MCOLN2: variants seen among roughly 807,000 people sequenced by gnomAD.
The protein encoded by MCOLN2 is mucolipin-2.
Under a neutral mutation model 67.5 loss-of-function variants are expected in MCOLN2, and 57 were observed. The ratio of observed to expected loss-of-function variants is 0.84; its 90% CI spans 0.68 to 1.05. MCOLN2 has a LOEUF of 1.05. Among genes scored for constraint, MCOLN2 ranks in the 50% least tolerant of loss-of-function variants. The probability of loss-of-function intolerance (pLI) is 0.00; values close to 1 mark genes in which losing one functional copy is unlikely to be tolerated. For missense variants in MCOLN2, 620 were observed against 678.8 expected (o/e 0.91, Z 0.96); for synonymous variants, 246 against 233.3 (o/e 1.05, Z -0.50).
intron 13 of MCOLN2, among the ~76,000 whole-genome samples, chr1:84,927,358 A>G: frequency 6.6e-6 from 1 of 152,144 alleles, no homozygotes; most frequent in East Asian, 1.9e-4. Flanking sequence ...TCACTGCAAT[A>G]GAGGAAGGTA....
chr1:84,935,872 T>A (rs1370558829), intron 11 of MCOLN2, among the ~76,000 whole-genome samples: 5 of 152,146 alleles, frequency 3.3e-5, no homozygotes, highest in Admixed American at 3.3e-4. Flanking sequence ...TTGACACCAT[T>A]GAAAGAATGA....
chr1:84,990,813 A>T (rs187202877), intron 1 of MCOLN2, among the ~76,000 whole-genome samples: 445 of 148,098 alleles, frequency 3.0e-3, no homozygotes, highest in Admixed American at 5.3e-3. Flanking sequence ...AGGCACCTGT[A>T]GTCCCAATTA....
intron 1 of MCOLN2, among the ~76,000 whole-genome samples, chr1:84,978,331 A>G (rs1270417885): frequency 6.6e-6 from 1 of 152,042 alleles, no homozygotes; most frequent in Non-Finnish European, 1.5e-5. Flanking sequence ...TTATAGAACT[A>G]GAAAAGCAAG....
chr1:84,990,331 C>T (rs1319510103), intron 1 of MCOLN2, among the ~76,000 whole-genome samples: 1 of 136,912 alleles, frequency 7.3e-6, no homozygotes, highest in South Asian at 2.4e-4. Flanking sequence ...AAAAAAATAC[C>T]TAATGCTAAA....
chr1:84,931,967 T>C (rs565724213), intron 11 of MCOLN2, among the ~76,000 whole-genome samples: 9 of 151,568 alleles, frequency 5.9e-5, no homozygotes, highest in African/African-American at 1.2e-4. Context: ...CAGGGTACAG[T>C]GAGCCAAGCT....
intron 1 of MCOLN2, among the ~76,000 whole-genome samples, chr1:84,987,506 G>GTATATACCTA (rs1557665657): frequency 3.3e-5 from 1 of 30,022 alleles, no homozygotes; most frequent in Non-Finnish European, 6.2e-5. Context: ...ATACATAGAT[G>GTATATACCTA]TATACATATG....
intron 1 of MCOLN2, among the ~76,000 whole-genome samples, chr1:84,969,278 G>A (rs1385698313): frequency 1.3e-5 from 2 of 152,202 alleles, no homozygotes; most frequent in East Asian, 1.9e-4. Context: ...ACAGTCAGAA[G>A]TTCCAGAGGT....
At chr1:84,982,087 TAAAA>T (rs67794449) in intron 1 of MCOLN2, among the ~76,000 whole-genome samples, 1 of 148,900 alleles carries the variant, frequency 6.7e-6, no homozygotes, top group African/African-American at 2.5e-5. Flanking sequence ...TTTTTTTTTT[TAAAA>T]AAAAGATGAA....
At position 84,984,807 on chromosome 1, in the gene MCOLN2, C is replaced by A. The variant is rs551119559; in HGVS notation, c.77+11989G>T. Among the ~76,000 whole-genome samples the A allele has an allele frequency of 5.3e-5, 8 of 152,194 alleles. No individual in the cohort carries two copies. The South Asian group carries it at 1.7e-3, about 32-fold the overall frequency. On this transcript the variant is annotated intron_variant, in intron 1 of 13. Coordinates refer to ENST00000370608, the MANE Select transcript of MCOLN2 (RefSeq NM_153259.4). ...CTCAGGAGTTTGAGAACAGCCTGGG[C>A]AACATGGCAAAACCCGTCTGTACTA... is the stretch of plus-strand genomic sequence containing the variant.
At chr1:84,990,078 C>T (rs982897597) in intron 1 of MCOLN2, among the ~76,000 whole-genome samples, 14 of 151,830 alleles carry the variant, frequency 9.2e-5, no homozygotes, top group Admixed American at 3.3e-4. Flanking sequence ...AGGCGGATCA[C>T]GAGGTCAGGA....
At position 84,931,586 on chromosome 1, in the gene MCOLN2, A is replaced by C. The variant is rs775429359; in HGVS notation, c.1336-18T>G. ...TTTTCAAACTGTAGGGGGAAATAAA[A>C]ACTAGTTTCTGAAATAGAGTATTCT... On this transcript the variant is annotated intron_variant, in intron 11 of 13. Coordinates refer to ENST00000370608, the MANE Select transcript of MCOLN2 (RefSeq NM_153259.4). 10 of 1,597,738 alleles carry C rather than the reference A, an allele frequency of 6.3e-6. No homozygotes were observed. The highest frequency in any genetic ancestry group is 1.1e-5 in the South Asian group (1 of 89,606).
In MCOLN2 at chr1:84,939,838, G is replaced by A. The variant is rs892770342; in HGVS notation, c.961-136C>T. On this transcript the variant is annotated intron_variant, in intron 8 of 13. Transcript: ENST00000370608. Reference sequence around the variant, plus strand: ...CCAATTTGCCAGATCCACCTCGAAAGTGGAGGTTACGGCACACACTTTCCC... The same window carrying A: ...CCAATTTGCCAGATCCACCTCGAAAATGGAGGTTACGGCACACACTTTCCC... 68 of 815,340 alleles carry A rather than the reference G, an allele frequency of 8.3e-5. 5 individuals carry two copies. In the South Asian group the frequency reaches 1.1e-3, roughly 13 times the overall value. 50.5% of individuals were successfully genotyped at this position (815,340 alleles called of 1,614,324 possible). A position where few individuals can be genotyped will look rare whatever the true frequency, so the allele number is the denominator to read the frequency against.
chr1:84,985,458 A>T (rs916627983), intron 1 of MCOLN2, among the ~76,000 whole-genome samples: 4 of 152,100 alleles, frequency 2.6e-5, no homozygotes, highest in African/African-American at 9.7e-5. Context: ...TACTCTCTAC[A>T]TGATGTGGGT....
intron 2 of MCOLN2, among the ~76,000 whole-genome samples, chr1:84,959,923 G>A (rs549170366): frequency 6.6e-6 from 1 of 152,274 alleles, no homozygotes; most frequent in Admixed American, 6.5e-5. Flanking sequence ...AATTTAGCTG[G>A]GTGAGGTGGC....
At chr1:84,985,833 G>C (rs992712252) in intron 1 of MCOLN2, among the ~76,000 whole-genome samples, 4 of 152,056 alleles carry the variant, frequency 2.6e-5, no homozygotes, top group Admixed American at 2.6e-4. Context: ...CTCATGGATG[G>C]GTAGAATCAA....
chr1:84,958,198 C>T (rs1021162571), intron 3 of MCOLN2, among the ~76,000 whole-genome samples: 10 of 152,250 alleles, frequency 6.6e-5, no homozygotes, highest in East Asian at 1.9e-4. Flanking sequence ...TGAGTCACTA[C>T]GCCAGGCTGG....
In MCOLN2 at chr1:84,947,063, C is replaced by A. The variant is rs1648152197; in HGVS notation, c.817G>T (p.Glu273Ter). The A allele has an allele frequency of 1.3e-5, 21 of 1,591,056 alleles. No homozygotes were observed. The highest frequency in any genetic ancestry group is 1.8e-5 in the Non-Finnish European group (21 of 1,159,556). Residue 273 changes from glutamate to a stop codon, truncating the protein, a stop_gained, in exon 7 of 14, where the codon GAA becomes TAA. Transcript: ENST00000370608. LOFTEE classifies it high-confidence loss of function. ...CCAAATATGTTCAAGTCTTTACATT[C>A]TTCAATTTTGGCATCACTGTCAAAA... ...IYFDSDAKIE[E>*]CKDLNIFGST...
At chr1:84,959,502 A>C (rs1255108493) in intron 2 of MCOLN2, among the ~76,000 whole-genome samples, 3 of 152,166 alleles carry the variant, frequency 2.0e-5, no homozygotes, top group Non-Finnish European at 1.5e-5. Flanking sequence ...AAAAGTTTAC[A>C]CAAAACCTAG....
chr1:84,930,425 A>AT (rs896901096), intron 12 of MCOLN2, among the ~76,000 whole-genome samples: 15 of 151,912 alleles, frequency 9.9e-5, no homozygotes, highest in East Asian at 5.8e-4. Flanking sequence ...CAGAAGAGAG[A>AT]TTTTTTTCCA....
Sources: allele counts gnomAD v4.1 joint callset (sites outside exome capture counted in the v4.1 genomes callset), GRCh38; gene constraint gnomAD v4.1.1; transcripts MANE v1.5; gene names NCBI Gene and HGNC (gene_info 2026-07-23, HGNC 2026-07-21).